SMYD3: variants seen among roughly 807,000 people sequenced by gnomAD.
SMYD3 encodes the protein histone-lysine N-methyltransferase SMYD3.
In SMYD3, 36 loss-of-function variants were observed where a neutral mutation model predicts 57.7. The observed-to-expected ratio is 0.62, with a 90% confidence interval of 0.48 to 0.82. SMYD3 has a LOEUF of 0.82. Ranked by LOEUF, SMYD3 falls within the 40% of genes least tolerant of loss-of-function variation. The probability of loss-of-function intolerance (pLI) is 0.00; values close to 1 mark genes in which losing one functional copy is unlikely to be tolerated. For missense variants in SMYD3, 515 were observed against 538.8 expected (o/e 0.96, Z 0.44); for synonymous variants, 211 against 195.0 (o/e 1.08, Z -0.68).
intron 9 of SMYD3, among the ~76,000 whole-genome samples, chr1:245,862,353 C>T (rs2051595803): frequency 6.6e-6 from 1 of 152,130 alleles, no homozygotes; most frequent in South Asian, 2.1e-4. Flanking sequence ...TTGCTATTTA[C>T]TAAAGCCCTA....
At chr1:245,940,473 A>T (rs1327214812) in intron 5 of SMYD3, among the ~76,000 whole-genome samples, 1 of 152,166 alleles carries the variant, frequency 6.6e-6, no homozygotes, top group Non-Finnish European at 1.5e-5. Flanking sequence ...CACTGGTGAT[A>T]CCTCCAGGTG....
intron 5 of SMYD3, among the ~76,000 whole-genome samples, chr1:246,018,495 T>G (rs1326287610): frequency 6.6e-6 from 1 of 152,248 alleles, no homozygotes; most frequent in Non-Finnish European, 1.5e-5. Context: ...CAAGACATTA[T>G]CAATTTCATA....
intron 5 of SMYD3, among the ~76,000 whole-genome samples, chr1:245,936,674 C>T (rs921574885): frequency 2.0e-5 from 3 of 152,162 alleles, no homozygotes; most frequent in African/African-American, 7.2e-5. Context: ...GCAAGTGGAT[C>T]GATTGAGCCC....
intron 5 of SMYD3, among the ~76,000 whole-genome samples, chr1:246,275,101 T>C (rs1052659028): frequency 4.6e-5 from 7 of 152,160 alleles, no homozygotes; most frequent in African/African-American, 1.7e-4. Context: ...TTTCATTCCT[T>C]AGAACCAGAC....
intron 8 of SMYD3, among the ~76,000 whole-genome samples, chr1:245,875,280 C>A (rs1471697481): frequency 6.6e-6 from 1 of 152,108 alleles, no homozygotes; most frequent in Non-Finnish European, 1.5e-5. Context: ...AAAGGTCTGA[C>A]GGAGCTTCAT....
chr1:245,787,889 G>A (rs1011220307), intron 10 of SMYD3, among the ~76,000 whole-genome samples: 4 of 152,150 alleles, frequency 2.6e-5, no homozygotes, highest in African/African-American at 9.7e-5. Context: ...GTTCAAGCAC[G>A]GTATAGGGAG....
intron 5 of SMYD3, among the ~76,000 whole-genome samples, chr1:245,956,358 G>A (rs778847996): frequency 1.3e-5 from 2 of 152,210 alleles, no homozygotes; most frequent in Non-Finnish European, 2.9e-5. Context: ...ATAGAGGCCA[G>A]CACATGCTCA....
At chr1:246,500,116 G>A (rs1265746048) in intron 1 of SMYD3, among the ~76,000 whole-genome samples, 2 of 152,198 alleles carry the variant, frequency 1.3e-5, no homozygotes, top group Non-Finnish European at 2.9e-5. Context: ...GTTGTTGCTG[G>A]AGAGTGATTC....
At chr1:245,769,918 C>A (rs578158606) in intron 10 of SMYD3, among the ~76,000 whole-genome samples, 1 of 152,164 alleles carries the variant, frequency 6.6e-6, no homozygotes, top group African/African-American at 2.4e-5. Flanking sequence ...GTTCCAACAA[C>A]TGCAGATCAA....
chr1:246,037,520 G>A (rs561096566), intron 5 of SMYD3, among the ~76,000 whole-genome samples: 57 of 152,170 alleles, frequency 3.7e-4, no homozygotes, highest in Non-Finnish European at 5.7e-4. Flanking sequence ...CTGCTTCAAG[G>A]ACATATTTCT....
intron 5 of SMYD3, among the ~76,000 whole-genome samples, chr1:246,256,698 C>T (rs2801047): frequency 0.27 from 40,483 of 151,842 alleles, 6,070 homozygotes; most frequent in East Asian, 0.58. Context: ...AGTTATTTCT[C>T]TTTTTCTGCT....
At chr1:246,183,856 G>A (rs2062591583) in intron 5 of SMYD3, among the ~76,000 whole-genome samples, 1 of 152,152 alleles carries the variant, frequency 6.6e-6, no homozygotes, top group Non-Finnish European at 1.5e-5. Flanking sequence ...GACACGGAGG[G>A]AGAAGTAAAT....
intron 1 of SMYD3, among the ~76,000 whole-genome samples, chr1:246,418,950 G>A (rs1035092086): frequency 3.3e-5 from 5 of 152,132 alleles, no homozygotes; most frequent in African/African-American, 7.2e-5. Context: ...TGCCTTAACC[G>A]ATGACATTGC....
At chr1:246,264,287 A>G (rs1273086120) in intron 5 of SMYD3, among the ~76,000 whole-genome samples, 1 of 152,220 alleles carries the variant, frequency 6.6e-6, no homozygotes, top group East Asian at 1.9e-4. Flanking sequence ...GCATCATTCA[A>G]AGCAAGTAGT....
intron 1 of SMYD3, among the ~76,000 whole-genome samples, chr1:246,425,343 C>A (rs932773104): frequency 1.3e-5 from 2 of 152,198 alleles, no homozygotes; most frequent in Non-Finnish European, 1.5e-5. Context: ...ATAACAAAGA[C>A]CACAGAGTAC....
chr1:246,073,106 T>G (rs1190754796), intron 5 of SMYD3, among the ~76,000 whole-genome samples: 1 of 152,202 alleles, frequency 6.6e-6, no homozygotes. Flanking sequence ...TTTCCAACCA[T>G]AGTAATAAGC....
At chr1:245,956,689 C>G (rs953608201) in intron 5 of SMYD3, among the ~76,000 whole-genome samples, 1 of 152,166 alleles carries the variant, frequency 6.6e-6, no homozygotes, top group Admixed American at 6.5e-5. Context: ...CTCCCCTACT[C>G]CCCTGGGTAT....
intron 1 of SMYD3, among the ~76,000 whole-genome samples, chr1:246,429,327 G>GT (rs750573899): frequency 1.5e-4 from 23 of 152,222 alleles, no homozygotes; most frequent in East Asian, 9.7e-4. Flanking sequence ...TTCATCAAAT[G>GT]TAAGATGCTA....
chr1:245,898,977 C>G (rs1407319364), intron 8 of SMYD3, among the ~76,000 whole-genome samples: 1 of 152,180 alleles, frequency 6.6e-6, no homozygotes, highest in African/African-American at 2.4e-5. Context: ...CAGCTGATTA[C>G]AAATGACAAC....
Sources: allele counts gnomAD v4.1 joint callset (sites outside exome capture counted in the v4.1 genomes callset), GRCh38; gene constraint gnomAD v4.1.1; transcripts MANE v1.5; gene names NCBI Gene and HGNC (gene_info 2026-07-23, HGNC 2026-07-21).